The following SH3BGRL variants were observed in gnomAD, a reference collection of about 807,000 sequenced individuals.
SH3BGRL encodes the protein adapter SH3BGRL.
Under a neutral mutation model 9.8 loss-of-function variants are expected in SH3BGRL, and 7 were observed. That is an observed-to-expected ratio of 0.72 (90% CI 0.41 to 1.35). The LOEUF (loss-of-function observed/expected upper bound fraction) is 1.35, where lower values mean the gene tolerates loss of function less well. Ranked by LOEUF, SH3BGRL falls within the 40% of genes most tolerant of loss-of-function variation. SH3BGRL has a pLI of 0.01. For missense variants in SH3BGRL, 73 were observed against 84.4 expected, an observed-to-expected ratio of 0.86 and a Z score of 0.53; for synonymous variants, 36 against 29.1, an observed-to-expected ratio of 1.24 and a Z score of -0.76.
At chrX:81,266,375 A>G (rs1350309237) in intron 1 of SH3BGRL, among the ~76,000 whole-genome samples, 1 of 111,709 alleles carries the variant, frequency 9.0e-6, no homozygotes, top group African/African-American at 3.3e-5. Context: ...TGATTTTTGT[A>G]TACAGTGTAA....
intron 1 of SH3BGRL, among the ~76,000 whole-genome samples, chrX:81,229,297 T>G (rs1313375905): frequency 9.0e-6 from 1 of 111,098 alleles, no homozygotes; most frequent in Non-Finnish European, 1.9e-5. Context: ...GGTGAATGTT[T>G]ACAGCTGAAG....
chrX:81,202,375 C>A (rs1399574501), intron 1 of SH3BGRL, 130 bp downstream of exon 1: 2 of 929,165 alleles, frequency 2.2e-6, no homozygotes, highest in Non-Finnish European at 2.7e-6. Flanking sequence ...CCCGATCCCA[C>A]CCTTCTTCTT....
At chrX:81,210,513 C>A (rs2075559967) in intron 1 of SH3BGRL, among the ~76,000 whole-genome samples, 1 of 111,135 alleles carries the variant, frequency 9.0e-6, no homozygotes, top group Non-Finnish European at 1.9e-5. Context: ...TCAGGCACAC[C>A]GGTAAGAACT....
At chrX:81,276,063 T>C (rs940783915) in intron 1 of SH3BGRL, among the ~76,000 whole-genome samples, 1 of 111,276 alleles carries the variant, frequency 9.0e-6, no homozygotes, top group African/African-American at 3.3e-5. Flanking sequence ...ATGAAGAAAC[T>C]TGCTTATTGA....
chrX:81,225,404 C>G (rs1235062049), intron 1 of SH3BGRL, among the ~76,000 whole-genome samples: 2 of 110,733 alleles, frequency 1.8e-5, no homozygotes, highest in Non-Finnish European at 3.8e-5. Context: ...TCTCTCACCC[C>G]CCTTCCACCC....
intron 1 of SH3BGRL, among the ~76,000 whole-genome samples, chrX:81,246,643 C>A (rs1298615328): frequency 9.1e-6 from 1 of 110,193 alleles, no homozygotes; most frequent in Non-Finnish European, 1.9e-5. Context: ...TCTGGGTTCT[C>A]TATTTTTTTT....
chrX:81,294,178 A>C (rs757211306), intron 3 of SH3BGRL, among the ~76,000 whole-genome samples: 4 of 111,917 alleles, frequency 3.6e-5, no homozygotes, highest in Non-Finnish European at 7.5e-5. Flanking sequence ...AGAAATTTGC[A>C]TAAGTAATGA....
chrX:81,225,520 C>T (rs777667402), intron 1 of SH3BGRL, among the ~76,000 whole-genome samples: 2 of 111,227 alleles, frequency 1.8e-5, no homozygotes, highest in Non-Finnish European at 3.8e-5. Flanking sequence ...ATTTGACTTT[C>T]GTTTCTGTGT....
At chrX:81,284,835 A>G (rs2075829432) in intron 3 of SH3BGRL, among the ~76,000 whole-genome samples, 1 of 111,040 alleles carries the variant, frequency 9.0e-6, no homozygotes. Context: ...AATAAAAAAC[A>G]GCTAAGCAGG....
At chrX:81,276,885 A>G in intron 1 of SH3BGRL, 99 bp from the exon 2 acceptor site, 1 of 699,894 alleles carries the variant, frequency 1.4e-6, no homozygotes, top group Non-Finnish European at 2.1e-6. Context: ...CTTCTGTGAA[A>G]CCACAATCTT....
chrX:81,287,608 C>T (rs1248733177), intron 3 of SH3BGRL, among the ~76,000 whole-genome samples: 2 of 110,818 alleles, frequency 1.8e-5, no homozygotes, highest in Non-Finnish European at 3.8e-5. Context: ...ACAATGAGAA[C>T]ACATAGACAC....
At chrX:81,230,455 C>G (rs1005851905) in intron 1 of SH3BGRL, among the ~76,000 whole-genome samples, 3 of 111,797 alleles carry the variant, frequency 2.7e-5, no homozygotes, top group Non-Finnish European at 5.6e-5. Flanking sequence ...AGATGCCACT[C>G]TGGAGGTGAT....
At position 81,257,843 on chromosome X, in the gene SH3BGRL, G is replaced by T. The variant is rs182002181; in HGVS notation, c.46-19141G>T. The stretch of plus-strand genomic sequence containing the variant: ...GAGTGGGTCACAGGTTCCACAATCT[G>T]TAATTGTTCCACTGTACCATGCTGC... On this transcript the variant is annotated intron_variant, in intron 1 of 3. Transcript: ENST00000373212. Among the ~76,000 whole-genome samples, 6 of 110,468 alleles carry T rather than the reference G, an allele frequency of 5.4e-5. No individual in the cohort carries two copies. In the Admixed American group the frequency reaches 5.9e-4, roughly 11 times the overall value.
intron 1 of SH3BGRL, among the ~76,000 whole-genome samples, chrX:81,262,162 AG>A (rs1371802720): frequency 9.0e-6 from 1 of 111,261 alleles, no homozygotes; most frequent in African/African-American, 3.3e-5. Flanking sequence ...CCCACTATGC[AG>A]TAGGAGCTTT....
In SH3BGRL at chrX:81,251,419, G is replaced by GT. The variant is rs747200527; in HGVS notation, c.46-25555dup. Among the ~76,000 whole-genome samples, 835 of 103,426 alleles carry GT rather than the reference G, an allele frequency of 8.1e-3. 6 individuals carry two copies. Among genetic ancestry groups the GT allele is most frequent in the African/African-American group, 0.025 (722 of 28,530 alleles). 89.8% of individuals were successfully genotyped at this position (103,426 alleles called of 115,157 possible). On this transcript the variant is annotated intron_variant, in intron 1 of 3. Transcript: ENST00000373212. ...TTTCCTAATTGTTTAACAAATTACT[G>GT]TTTTTTTTTTATTTATGACTTAATT...
chrX:81,262,404 C>T (rs2075743973), intron 1 of SH3BGRL, among the ~76,000 whole-genome samples: 1 of 111,406 alleles, frequency 9.0e-6, no homozygotes, highest in South Asian at 3.8e-4. Context: ...TCCATAACCC[C>T]AGTATAATTA....
chrX:81,249,860 G>A (rs908851350), intron 1 of SH3BGRL, among the ~76,000 whole-genome samples: 1 of 111,400 alleles, frequency 9.0e-6, no homozygotes, highest in Non-Finnish European at 1.9e-5. Flanking sequence ...TAAAGGGGTA[G>A]TACAAAGGAA....
chrX:81,297,025 G>A (rs1036932475), intron 3 of SH3BGRL, among the ~76,000 whole-genome samples, 170 bp from the exon 4 acceptor site: 2 of 111,755 alleles, frequency 1.8e-5, no homozygotes, highest in Non-Finnish European at 3.8e-5. Flanking sequence ...TCTGTTTCTA[G>A]AAATCTGTTT....
intron 1 of SH3BGRL, among the ~76,000 whole-genome samples, chrX:81,274,972 G>A (rs890442837): frequency 9.0e-6 from 1 of 110,714 alleles, no homozygotes; most frequent in African/African-American, 3.3e-5. Flanking sequence ...GCAATCTCAG[G>A]GCATGGGAGA....
Sources: allele counts gnomAD v4.1 joint callset (sites outside exome capture counted in the v4.1 genomes callset), GRCh38; gene constraint gnomAD v4.1.1; transcripts MANE v1.5; gene names NCBI Gene and HGNC (gene_info 2026-07-23, HGNC 2026-07-21).